Variants in ASAP3 observed in about 807,000 individuals in gnomAD.
The protein encoded by ASAP3 is ArfGAP with SH3 domain, ankyrin repeat and PH domain 3.
A neutral mutation model predicts 118.2 loss-of-function variants in ASAP3; 85 were observed. The ratio of observed to expected loss-of-function variants is 0.72; its 90% CI spans 0.60 to 0.86. ASAP3 has a LOEUF of 0.86. Among genes scored for constraint, ASAP3 ranks in the 40% least tolerant of loss-of-function variants. The probability of loss-of-function intolerance (pLI) is 0.00; values close to 1 mark genes in which losing one functional copy is unlikely to be tolerated. For synonymous variants in ASAP3, 432 were observed against 477.4 expected, an observed-to-expected ratio of 0.90 and a Z score of 1.24; for missense variants, 1,026 against 1,175.0, an observed-to-expected ratio of 0.87 and a Z score of 1.85.
chr1:23,483,798 G>C lies in ASAP3; in HGVS notation c.129+207C>G, dbSNP rs1642390937. Among the ~76,000 whole-genome samples, 3 of 152,208 alleles carry C rather than the reference G, an allele frequency of 2.0e-5. No individual in the cohort carries two copies. The South Asian group carries it at 6.2e-4, about 31-fold the overall frequency. On this transcript the variant is annotated intron_variant, in intron 1 of 24. Transcript: ENST00000336689. ...GAGTTTGTCATCGAAGAGACCTCGA[G>C]GCCCCCCAAAACGGTCCCTCGGGCC...
At chr1:23,461,451 C>T (rs906343212) in intron 1 of ASAP3, among the ~76,000 whole-genome samples, 53 of 152,000 alleles carry the variant, frequency 3.5e-4, no homozygotes, top group African/African-American at 1.2e-3. Context: ...GGGAGGATTG[C>T]TTGAGCCTAG....
At chr1:23,466,266 G>A (rs1043723878) in intron 1 of ASAP3, among the ~76,000 whole-genome samples, 3 of 152,212 alleles carry the variant, frequency 2.0e-5, no homozygotes, top group East Asian at 3.8e-4. Flanking sequence ...TTAGGTGCTA[G>A]AGAGTGATTC....
chr1:23,480,563 G>C (rs1181439575), intron 1 of ASAP3, among the ~76,000 whole-genome samples: 1 of 152,088 alleles, frequency 6.6e-6, no homozygotes, highest in Non-Finnish European at 1.5e-5. Context: ...CCTTTCTCTG[G>C]GGACTCAGGA....
At chr1:23,468,276 G>T (rs1641841041) in intron 1 of ASAP3, among the ~76,000 whole-genome samples, 1 of 152,220 alleles carries the variant, frequency 6.6e-6, no homozygotes, top group African/African-American at 2.4e-5. Context: ...CACTCATCAT[G>T]AGCACTACTG....
intron 10 of ASAP3, 84 bp from the exon 11 acceptor site, chr1:23,439,314 C>T (rs12132844): frequency 1.6e-6 from 2 of 1,258,380 alleles, no homozygotes; most frequent in Admixed American, 3.7e-5. Context: ...TTGCCCCCAC[C>T]TGTATGATCT....
At chr1:23,435,653 G>A in intron 17 of ASAP3, 198 bp downstream of exon 17, 1 of 657,970 alleles carries the variant, frequency 1.5e-6, no homozygotes, top group Non-Finnish European at 2.7e-6. Flanking sequence ...AGATCACACA[G>A]CTAGGAAAAA....
At chr1:23,483,886 G>A (rs983053335) in intron 1 of ASAP3, 119 bp downstream of exon 1, 58 of 1,072,930 alleles carry the variant, frequency 5.4e-5, no homozygotes, top group Non-Finnish European at 6.8e-5. Flanking sequence ...CCAGACCTAG[G>A]GAGGGGGCAG....
Position 23,441,179 on chromosome 1 carries a change from G to T in ASAP3, c.867C>A (p.Gly289=), listed in dbSNP as rs372594077. The T allele has an allele frequency of 5.0e-6, 8 of 1,614,210 alleles. No individual in the cohort carries two copies. The highest frequency in any genetic ancestry group is 6.8e-6 in the Non-Finnish European group (8 of 1,180,042). ...EHLSRKNSGC[G]YSIHQHQGNK... ...TGCCTTGGTGCTGGTGGATGCTATAGCCACATCCTGAGTTCTTCCGGCTCA... is the reference window on the plus strand; with the variant it reads ...TGCCTTGGTGCTGGTGGATGCTATATCCACATCCTGAGTTCTTCCGGCTCA... The change falls in exon 10 of 25, where the codon GGC becomes GGA. Residue 289 remains glycine (G), a synonymous_variant. Transcript: ENST00000336689.
intron 24 of ASAP3, 38 bp from the exon 25 acceptor site, chr1:23,429,968 C>T (rs750066213): frequency 4.5e-6 from 7 of 1,549,128 alleles, no homozygotes; most frequent in Non-Finnish European, 6.2e-6. Context: ...TTTCAAAGCA[C>T]CTGTAACATA....
chr1:23,472,135 A>G (rs1339417820), intron 1 of ASAP3, among the ~76,000 whole-genome samples: 1 of 152,200 alleles, frequency 6.6e-6, no homozygotes, highest in Non-Finnish European at 1.5e-5. Context: ...GGGATGATGG[A>G]AATGTTCTGG....
chr1:23,462,337 C>T (rs1390991089), intron 1 of ASAP3, among the ~76,000 whole-genome samples: 3 of 150,012 alleles, frequency 2.0e-5, no homozygotes, highest in East Asian at 2.0e-4. Context: ...AACTGTTTTT[C>T]GATGCCCTTG....
At position 23,438,821 on chromosome 1, in the gene ASAP3, G is replaced by A. The variant is rs767252554; in HGVS notation, c.1028C>T (p.Pro343Leu). ...TISHSTINRP[P>L]VKLTLLTCQV... ...GCACGTCAGCAGGGTCAGCTTCACC[G>A]GGGGCCGGTTTATCTGTGGGAATTT... Residue 343 changes from proline to leucine, a missense_variant, in exon 12 of 25, where the codon CCG becomes CTG. Pro to Leu is a moderately conservative substitution (Grantham distance 98, BLOSUM62 -3). Transcript: ENST00000336689. The surrounding 1 kb of genome is among the most constrained non-coding windows in gnomAD (Gnocchi z 4.9). 1.7e-5 allele frequency: 28 copies of A among 1,613,836 alleles called. No homozygotes were observed. The highest frequency in any genetic ancestry group is 4.4e-5 in the South Asian group (4 of 91,072).
At chr1:23,484,220 G>T (rs1353345477), upstream of ASAP3, 6 of 1,185,338 alleles carry the variant, frequency 5.1e-6, no homozygotes, top group East Asian at 7.0e-5. Context: ...CCGGCCGGGG[G>T]CGCCGTCCCG....
upstream of ASAP3, chr1:23,484,362 T>C: frequency 2.8e-6 from 1 of 352,304 alleles, no homozygotes; most frequent in Non-Finnish European, 4.6e-6. Flanking sequence ...CCGGCCCCGG[T>C]CCCGGCCCCG....
intron 3 of ASAP3, among the ~76,000 whole-genome samples, chr1:23,454,218 GCT>G (rs1558149895): frequency 7.3e-6 from 1 of 137,780 alleles, no homozygotes; most frequent in African/African-American, 2.7e-5. Context: ...ATGGAATCTC[GCT>G]CTGTCACCCA....
rs1413247617 is a variant in ASAP3, at chr1:23,466,766, T to C, written c.130-10572A>G. On this transcript the variant is annotated intron_variant, in intron 1 of 24. Coordinates refer to ENST00000336689, the MANE Select transcript of ASAP3 (RefSeq NM_017707.4). ...CTGCTAGAGCTAAGGCCTTGGGAGATACAGATTACATTTCACCATTAGACA... is the reference window on the plus strand; with the variant it reads ...CTGCTAGAGCTAAGGCCTTGGGAGACACAGATTACATTTCACCATTAGACA... 7.2e-5 allele frequency among the ~76,000 whole-genome samples: 11 copies of C among 152,358 alleles called. No homozygotes were observed. The South Asian group carries it at 8.3e-4, about 11-fold the overall frequency.
At chr1:23,445,840 G>A (rs898737144) in intron 5 of ASAP3, among the ~76,000 whole-genome samples, 3 of 151,908 alleles carry the variant, frequency 2.0e-5, no homozygotes, top group African/African-American at 7.3e-5. Flanking sequence ...CATTATCCAG[G>A]CATGGTAGCA....
Position 23,439,196 on chromosome 1 carries a change from C to T in ASAP3, c.979G>A (p.Val327Ile). 1 of 1,614,122 alleles carries T rather than the reference C, an allele frequency of 6.2e-7. No homozygotes were observed. The highest frequency in any genetic ancestry group is 8.5e-7 in the Non-Finnish European group (1 of 1,180,008). The change falls in exon 11 of 25, where the codon GTC becomes ATC. Residue 327 changes from valine (V) to isoleucine (I), a missense_variant. Transcript: ENST00000336689. The part of the protein sequence containing the change: ...RRVWQKRKCG[V>I]KYGCLTISHS... ...GAGATGGTCAGGCAGCCATACTTGA[C>T]TCCACACTTCCTTTTCTGCCAGACT...
chr1:23,435,727 C>G, intron 17 of ASAP3, 124 bp downstream of exon 17: 1 of 1,152,306 alleles, frequency 8.7e-7, no homozygotes, highest in East Asian at 2.4e-5. Flanking sequence ...ACTTACCACT[C>G]TGATGGGTGA....
Sources: allele counts gnomAD v4.1 joint callset (sites outside exome capture counted in the v4.1 genomes callset), GRCh38; gene constraint gnomAD v4.1.1; non-coding constraint Gnocchi (gnomAD v3.1); transcripts MANE v1.5; gene names NCBI Gene and HGNC (gene_info 2026-07-23, HGNC 2026-07-21).